The following BLTP3B variants were observed in gnomAD, a reference collection of about 807,000 sequenced individuals.
BLTP3B encodes the protein UHRF1 (ICBP90) binding protein 1-like.
At chr12:100,055,415 A>C in the BLTP3B span, among the ~76,000 whole-genome samples, 1 of 152,094 alleles carries the variant, frequency 6.6e-6, no homozygotes, top group African/African-American at 2.4e-5. Context: ...GTTGGCTCAT[A>C]CCTGTAATCC....
the BLTP3B span, among the ~76,000 whole-genome samples, chr12:100,068,082 T>C: frequency 2.0e-5 from 3 of 152,172 alleles, no homozygotes; most frequent in Admixed American, 6.5e-5. Flanking sequence ...GGCATCATAT[T>C]ACCTGATTTC....
the BLTP3B span, among the ~76,000 whole-genome samples, chr12:100,107,993 C>T: frequency 6.6e-6 from 1 of 152,136 alleles, no homozygotes; most frequent in African/African-American, 2.4e-5. Flanking sequence ...CCGCCTACCT[C>T]GGCCTTCCAA....
At chr12:100,106,830 T>C in the BLTP3B span, among the ~76,000 whole-genome samples, 1 of 152,158 alleles carries the variant, frequency 6.6e-6, no homozygotes, top group African/African-American at 2.4e-5. Flanking sequence ...AAATTAAAAG[T>C]GACCATCAAA....
chr12:100,087,159 A>AG, the BLTP3B span, among the ~76,000 whole-genome samples: 10 of 66,080 alleles, frequency 1.5e-4, no homozygotes, highest in Admixed American at 3.7e-4. Context: ...ACTCCATCTC[A>AG]AAAAAAAAAA....
the BLTP3B span, among the ~76,000 whole-genome samples, chr12:100,101,684 A>G: frequency 6.6e-6 from 1 of 152,238 alleles, no homozygotes; most frequent in Non-Finnish European, 1.5e-5. Flanking sequence ...AATGATCCCC[A>G]TACTTCTGCT....
At chr12:100,039,622 A>C in the BLTP3B span, 3 of 1,613,420 alleles carry the variant, frequency 1.9e-6, no homozygotes, top group Non-Finnish European at 1.7e-6. Flanking sequence ...TCAAAGGAGA[A>C]CTCAGGAAAG....
chr12:100,131,258 C>G, the BLTP3B span, among the ~76,000 whole-genome samples: 1 of 150,806 alleles, frequency 6.6e-6, no homozygotes, highest in Admixed American at 6.6e-5. Flanking sequence ...CTGCAGTGAG[C>G]TGTAATCATG....
At chr12:100,097,407 T>C in the BLTP3B span, 1 of 1,613,464 alleles carries the variant, frequency 6.2e-7, no homozygotes, top group Non-Finnish European at 8.5e-7. Flanking sequence ...GGTTGGTTAT[T>C]AATCGAACAG....
At chr12:100,107,304 A>AG in the BLTP3B span, among the ~76,000 whole-genome samples, 118 of 142,692 alleles carry the variant, frequency 8.3e-4, no homozygotes, top group Non-Finnish European at 1.5e-3. Context: ...AAAAAAAAAA[A>AG]AAAAAAAAGA....
the BLTP3B span, among the ~76,000 whole-genome samples, chr12:100,092,540 C>T: frequency 2.6e-5 from 4 of 151,856 alleles, no homozygotes; most frequent in African/African-American, 2.4e-5. Flanking sequence ...GTACATAGGC[C>T]GGGGCAAAAA....
At chr12:100,098,919 C>CAGATAGATAGATAGATAGAT in the BLTP3B span, among the ~76,000 whole-genome samples, 787 of 139,826 alleles carry the variant, frequency 5.6e-3, 9 homozygotes, top group African/African-American at 0.019. Flanking sequence ...AAAATATAGA[C>CAGATAGATAGATAGATAGAT]AGATAGATAG....
the BLTP3B span, chr12:100,128,673 G>A: frequency 1.6e-6 from 2 of 1,288,482 alleles, no homozygotes; most frequent in East Asian, 5.6e-5. Context: ...TACTCATTTG[G>A]GTGATTATGC....
chr12:100,050,700 TAC>T, the BLTP3B span, among the ~76,000 whole-genome samples: 80 of 152,134 alleles, frequency 5.3e-4, no homozygotes, highest in African/African-American at 1.8e-3. Context: ...TAGTCCCAGC[TAC>T]TAGGGAGGCT....
At chr12:100,101,138 G>A in the BLTP3B span, among the ~76,000 whole-genome samples, 1 of 152,156 alleles carries the variant, frequency 6.6e-6, no homozygotes, top group African/African-American at 2.4e-5. Context: ...AATCTAACCT[G>A]TAAAATCTGA....
the BLTP3B span, among the ~76,000 whole-genome samples, chr12:100,053,578 CACAT>C: frequency 1.3e-5 from 2 of 152,122 alleles, no homozygotes. Flanking sequence ...TGCACGCATG[CACAT>C]ACATATCTTT....
chr12:100,070,240 A>C, the BLTP3B span: 1 of 1,506,892 alleles, frequency 6.6e-7, no homozygotes, highest in Non-Finnish European at 8.9e-7. Context: ...GATTGTTGAA[A>C]CATGAAGATA....
the BLTP3B span, among the ~76,000 whole-genome samples, chr12:100,045,712 G>A: frequency 6.6e-6 from 1 of 152,116 alleles, no homozygotes; most frequent in Non-Finnish European, 1.5e-5. Flanking sequence ...AGCAACAAAA[G>A]CCAAAATTGA....
the BLTP3B span, among the ~76,000 whole-genome samples, chr12:100,054,540 A>G: frequency 6.6e-6 from 1 of 152,154 alleles, no homozygotes; most frequent in African/African-American, 2.4e-5. Flanking sequence ...TTTTTGAAAT[A>G]TATTTTGATC....
the BLTP3B span, chr12:100,104,060 TA>T: frequency 1.5e-5 from 10 of 671,686 alleles, no homozygotes; most frequent in Non-Finnish European, 2.3e-5. Context: ...CCAAATTATA[TA>T]AAATCACTTT....
Sources: gnomAD v4.1 joint callset for allele counts (sites outside exome capture counted in the v4.1 genomes callset) on GRCh38, gnomAD v4.1.1 for gene constraint, MANE v1.5 for transcripts, NCBI Gene and HGNC (gene_info 2026-07-23, HGNC 2026-07-21) for gene names.